Variants in PCDHGA8 observed in about 807,000 individuals in gnomAD.
PCDHGA8 encodes the protein protocadherin gamma subfamily A, 8.
Under a neutral mutation model 59.2 loss-of-function variants are expected in PCDHGA8, and 45 were observed. The ratio of observed to expected loss-of-function variants is 0.76; its 90% confidence interval spans 0.60 to 0.98. PCDHGA8 has a LOEUF of 0.98. Among genes scored for constraint, PCDHGA8 ranks in the 50% least tolerant of loss-of-function variants. PCDHGA8 has a pLI of 0.00. For missense variants in PCDHGA8, 1,257 were observed against 1,196.2 expected, an observed-to-expected ratio of 1.05 and a Z score of -0.75; for synonymous variants, 531 against 519.0, an observed-to-expected ratio of 1.02 and a Z score of -0.32.
chr5:141,478,560 A>G, intron 1 of PCDHGA8: 1 of 1,598,736 alleles, frequency 6.3e-7, no homozygotes, highest in Non-Finnish European at 8.5e-7. Flanking sequence ...AGGTTTAGCA[A>G]GTCATGCTTG....
intron 1 of PCDHGA8, chr5:141,413,089 C>T: frequency 7.1e-7 from 1 of 1,401,124 alleles, no homozygotes; most frequent in Non-Finnish European, 9.7e-7. Context: ...TACAGAGACA[C>T]CCTGAAGCCA....
chr5:141,424,127 A>T (rs901831932), intron 1 of PCDHGA8: 1 of 486,538 alleles, frequency 2.1e-6, no homozygotes, highest in African/African-American at 2.1e-5. Flanking sequence ...GATCCTGTTG[A>T]TTTAATAGCA....
chr5:141,487,643 C>T lies in PCDHGA8; in HGVS notation c.2425-7164C>T. 1.2e-6 allele frequency: 2 copies of T among 1,614,104 alleles called. No homozygotes were observed. The highest frequency in any genetic ancestry group is 1.7e-6 in the Non-Finnish European group (2 of 1,179,986). Reference sequence around the variant, plus strand: ...GAGACCTTTGCAGGCTCAACAAATGCTTGAGGGTTATTCTGATCCAGGCAT... The same window carrying T: ...GAGACCTTTGCAGGCTCAACAAATGTTTGAGGGTTATTCTGATCCAGGCAT... On this transcript the variant is annotated intron_variant, in intron 1 of 3. Transcript: ENST00000398604. The surrounding 1 kb of genome is among the most constrained non-coding windows in gnomAD (Gnocchi z 5.0).
Position 141,393,303 on chromosome 5 carries a change from G to C in PCDHGA8, c.490G>C (p.Val164Leu). The change falls in exon 1 of 4, where the codon GTG becomes CTG. Residue 164 changes from valine (V) to leucine (L), a missense_variant. Val to Leu is a conservative substitution (Grantham distance 32). Coordinates refer to ENST00000398604, the MANE Select transcript of PCDHGA8 (RefSeq NM_032088.2). ...LPEAVDPDVG[V>L]NSLQSYQLSP... The stretch of plus-strand genomic sequence containing the variant: ...AGAAGCTGTTGACCCGGATGTGGGC[G>C]TGAACTCCCTCCAGAGCTACCAGCT... The C allele has an allele frequency of 6.2e-7, 1 of 1,613,764 alleles. No individual in the cohort carries two copies. Among genetic ancestry groups the C allele is most frequent in the Non-Finnish European group, 8.5e-7 (1 of 1,179,886 alleles).
In PCDHGA8 at chr5:141,485,216, G is replaced by C. The variant is rs757059807; in HGVS notation, c.2425-9591G>C. On this transcript the variant is annotated intron_variant, in intron 1 of 3. Transcript: ENST00000398604. The surrounding 1 kb of genome is among the most constrained non-coding windows in gnomAD (Gnocchi z 5.7). ...AAGCTGGACAGAAATCTGGCGGTGG[G>C]CTACCCTTTTGTTCCTCTTTTACCA... 2.5e-6 allele frequency: 4 copies of C among 1,614,144 alleles called. No homozygotes were observed. In the South Asian group the frequency reaches 4.4e-5, roughly 18 times the overall value.
intron 1 of PCDHGA8, chr5:141,418,958 G>A: frequency 4.3e-6 from 7 of 1,614,000 alleles, no homozygotes; most frequent in Non-Finnish European, 5.9e-6. Context: ...AGTGGTTGTT[G>A]CCCTCTTCAA....
In PCDHGA8 at chr5:141,487,747, CTA is replaced by C. The variant is rs2099663990; in HGVS notation, c.2425-7058_2425-7057del. 1 of 1,558,062 alleles carries C rather than the reference CTA, an allele frequency of 6.4e-7. No individual in the cohort carries two copies. The highest frequency in any genetic ancestry group is 2.4e-5 in the East Asian group (1 of 41,708). On this transcript the variant is annotated intron_variant, in intron 1 of 3. Coordinates refer to ENST00000398604, the MANE Select transcript of PCDHGA8 (RefSeq NM_032088.2). This position sits in a 1 kb window ranked among gnomAD's most constrained non-coding sequence, Gnocchi z 5.0. ...ATGTCACCATTTTTGTAAGAGGTAA[CTA>C]TGTGGTAGACGCTGTGCTTTGTAAC... is the stretch of plus-strand genomic sequence containing the variant.
chr5:141,444,152 ATTTTTTTTTTTTTT>A (rs747671382), intron 1 of PCDHGA8, among the ~76,000 whole-genome samples: 241 of 33,882 alleles, frequency 7.1e-3, no homozygotes, highest in African/African-American at 0.019. Flanking sequence ...TGTGTACTGG[ATTTTTTTTTTTTTT>A]TTTTTTTTTT....
chr5:141,397,820 C>G (rs2093573235), intron 1 of PCDHGA8, among the ~76,000 whole-genome samples: 1 of 152,240 alleles, frequency 6.6e-6, no homozygotes, highest in Non-Finnish European at 1.5e-5. Flanking sequence ...AAAACAATTA[C>G]TGCACTGGTT....
chr5:141,463,018 T>C (rs1318740358), intron 1 of PCDHGA8, among the ~76,000 whole-genome samples: 1 of 152,212 alleles, frequency 6.6e-6, no homozygotes, highest in Admixed American at 6.5e-5. Flanking sequence ...AATTCTGACT[T>C]TTTTGATTAA....
chr5:141,412,233 A>G (rs866840267), intron 1 of PCDHGA8: 4 of 152,256 alleles, frequency 2.6e-5, no homozygotes, highest in Admixed American at 6.5e-5. Context: ...TTAAAAACCT[A>G]TATCACTACA....
chr5:141,399,146 G>T (rs758823968), intron 1 of PCDHGA8: 1 of 1,613,792 alleles, frequency 6.2e-7, no homozygotes, highest in East Asian at 2.2e-5. Context: ...AATGACAATA[G>T]CCCAGAAGTT....
intron 2 of PCDHGA8, among the ~76,000 whole-genome samples, chr5:141,496,557 C>T (rs190275684): frequency 2.0e-5 from 3 of 152,258 alleles, no homozygotes; most frequent in Admixed American, 1.3e-4. Flanking sequence ...TGGGCATGCA[C>T]AGTCCTGTCA....
intron 1 of PCDHGA8, chr5:141,423,505 C>G: frequency 6.2e-7 from 1 of 1,613,932 alleles, no homozygotes; most frequent in Non-Finnish European, 8.5e-7. Context: ...CGAGGTCTCT[C>G]TCATTGCGGA....
At position 141,491,640 on chromosome 5, in the gene PCDHGA8, T is replaced by A; in HGVS notation, c.2425-3167T>A. 6.2e-7 allele frequency: 1 copy of A among 1,613,804 alleles called. No homozygotes were observed. Among genetic ancestry groups the A allele is most frequent in the South Asian group, 1.1e-5 (1 of 91,086 alleles). On this transcript the variant is annotated intron_variant, in intron 1 of 3. Coordinates refer to ENST00000398604, the MANE Select transcript of PCDHGA8 (RefSeq NM_032088.2). This position sits in a 1 kb window ranked among gnomAD's most constrained non-coding sequence, Gnocchi z 6.9. ...CCCTCAGCGTTCAGCAGCCCACAGC[T>A]CTGGCGCTGGAGCCTGACGCCATCC...
rs2099883782 is a variant in PCDHGA8 at position 141,511,420 on chromosome 5, G to C, written c.*247G>C. The C allele has an allele frequency of 1.2e-6, 1 of 830,744 alleles. No homozygotes were observed. The allele number at this position is 830,744 out of a possible 1,614,324, so 51.5% of individuals were successfully genotyped here. On this transcript the variant is annotated 3_prime_UTR_variant, in exon 4 of 4. Transcript: ENST00000398604. ...TCCAATCAACTGCTGTACCCATGGG[G>C]GTAGTGGGGTTACTGTAGACACCAA...
At chr5:141,465,779 G>A (rs1199779963) in intron 1 of PCDHGA8, among the ~76,000 whole-genome samples, 2 of 145,170 alleles carry the variant, frequency 1.4e-5, no homozygotes, top group African/African-American at 5.0e-5. Flanking sequence ...TCTTGTTACA[G>A]TTTTTTTTTT....
Position 141,487,125 on chromosome 5 carries a change from G to A in PCDHGA8, c.2425-7682G>A. 6.2e-7 allele frequency: 1 copy of A among 1,614,112 alleles called. No homozygotes were observed. The highest frequency in any genetic ancestry group is 8.5e-7 in the Non-Finnish European group (1 of 1,179,994). The stretch of plus-strand genomic sequence containing the variant: ...CTGGTCATTGTGGTAAAGGATAGTG[G>A]TAGTCCACCACTCTCTACCTCTGTT... On this transcript the variant is annotated intron_variant, in intron 1 of 3. Coordinates refer to ENST00000398604, the MANE Select transcript of PCDHGA8 (RefSeq NM_032088.2). This position sits in a 1 kb window ranked among gnomAD's most constrained non-coding sequence, Gnocchi z 5.0.
chr5:141,461,961 T>C (rs914134151), intron 1 of PCDHGA8, among the ~76,000 whole-genome samples: 3 of 152,192 alleles, frequency 2.0e-5, no homozygotes, highest in African/African-American at 7.2e-5. Context: ...GTAGCTGGGA[T>C]TCCAGGCATA....
Sources: allele counts gnomAD v4.1 joint callset (sites outside exome capture counted in the v4.1 genomes callset), GRCh38; gene constraint gnomAD v4.1.1; non-coding constraint Gnocchi (gnomAD v3.1); transcripts MANE v1.5; gene names NCBI Gene and HGNC (gene_info 2026-07-23, HGNC 2026-07-21).